Variants in LAMA3 observed in about 807,000 individuals in gnomAD.
The protein encoded by LAMA3 is laminin subunit alpha 3, also known as laminin subunit alpha-3.
LAMA3 carries 281 observed loss-of-function variants against 402.0 expected under a neutral mutation model. That is an observed-to-expected ratio of 0.70 (90% CI 0.63 to 0.77). The LOEUF (loss-of-function observed/expected upper bound fraction) is 0.77, where lower values mean the gene tolerates loss of function less well. Among genes scored for constraint, LAMA3 ranks in the 30% least tolerant of loss-of-function variants. The pLI is 0.00. For synonymous variants in LAMA3, 1,431 were observed against 1,558.4 expected (o/e 0.92, Z 1.93); for missense variants, 3,840 against 4,215.5 (o/e 0.91, Z 2.47).
chr18:23,816,192 T>C (rs1472274102), intron 17 of LAMA3, among the ~76,000 whole-genome samples, 196 bp from the exon 18 acceptor site: 1 of 152,254 alleles, frequency 6.6e-6, no homozygotes, highest in Non-Finnish European at 1.5e-5. Context: ...TGGTTGAATC[T>C]GATTTCCAAG....
chr18:23,824,300 C>A, intron 20 of LAMA3, 123 bp from the exon 21 acceptor site: 2 of 928,392 alleles, frequency 2.2e-6, no homozygotes, highest in South Asian at 1.4e-5. Flanking sequence ...ATCAGTAAAT[C>A]TGATCAGTAC....
At chr18:23,801,441 C>T (rs2062864816) in intron 12 of LAMA3, among the ~76,000 whole-genome samples, 1 of 152,058 alleles carries the variant, frequency 6.6e-6, no homozygotes, top group African/African-American at 2.4e-5. Context: ...CACATGTACC[C>T]TCTGAACCTA....
chr18:23,895,136 A>G, intron 44 of LAMA3, 78 bp downstream of exon 44: 1 of 1,489,340 alleles, frequency 6.7e-7, no homozygotes, highest in Non-Finnish European at 9.1e-7. Flanking sequence ...CAGGAAGGGA[A>G]AGGTTGACTC....
chr18:23,761,308 A>G (rs988429596), intron 7 of LAMA3, among the ~76,000 whole-genome samples: 35 of 152,216 alleles, frequency 2.3e-4, no homozygotes, highest in Non-Finnish European at 7.3e-5. Flanking sequence ...TTAAAGTCAA[A>G]CAAATATATT....
chr18:23,772,234 G>A (rs930675007), intron 8 of LAMA3, among the ~76,000 whole-genome samples: 2 of 152,226 alleles, frequency 1.3e-5, no homozygotes, highest in South Asian at 2.1e-4. Flanking sequence ...CAGAGACGGG[G>A]TTTCACCATA....
chr18:23,922,419 T>C (rs2145321803), intron 62 of LAMA3, among the ~76,000 whole-genome samples: 1 of 152,360 alleles, frequency 6.6e-6, no homozygotes, highest in Admixed American at 6.5e-5. Context: ...CAAGGTATTC[T>C]TTCTTCTAGA....
chr18:23,824,599 G>A (rs766024375), intron 21 of LAMA3, 34 bp downstream of exon 21: 3 of 1,611,486 alleles, frequency 1.9e-6, no homozygotes, highest in South Asian at 1.1e-5. Flanking sequence ...AGCTCCTGCG[G>A]GATTCTTCCT....
chr18:23,774,890 C>G (rs1043220952), intron 9 of LAMA3, among the ~76,000 whole-genome samples: 1 of 152,188 alleles, frequency 6.6e-6, no homozygotes, highest in Non-Finnish European at 1.5e-5. Context: ...CTTGTGCCTA[C>G]AAAGAATAGG....
chr18:23,729,259 G>A (rs920160976), intron 2 of LAMA3, among the ~76,000 whole-genome samples: 9 of 152,170 alleles, frequency 5.9e-5, no homozygotes, highest in Admixed American at 3.3e-4. Context: ...CTAGGAGAAT[G>A]TCTGGTATGT....
chr18:23,908,261 T>G (rs1229861923), intron 54 of LAMA3, among the ~76,000 whole-genome samples: 1 of 152,030 alleles, frequency 6.6e-6, no homozygotes, highest in Non-Finnish European at 1.5e-5. Flanking sequence ...CTGTGCGCTG[T>G]GGCTCATGCC....
At chr18:23,905,479 A>G in intron 51 of LAMA3, 43 bp from the exon 52 acceptor site, 3 of 1,076,330 alleles carry the variant, frequency 2.8e-6, no homozygotes, top group Non-Finnish European at 4.3e-6. Context: ...ATATTTCGTA[A>G]CATATAGCAT....
chr18:23,940,737 C>G (rs2082473020), intron 68 of LAMA3, among the ~76,000 whole-genome samples: 1 of 152,100 alleles, frequency 6.6e-6, no homozygotes, highest in South Asian at 2.1e-4. Flanking sequence ...GTGGACAGCT[C>G]CACGTCTCCA....
At chr18:23,702,070 A>G (rs909942080) in intron 1 of LAMA3, among the ~76,000 whole-genome samples, 1 of 152,198 alleles carries the variant, frequency 6.6e-6, no homozygotes, top group African/African-American at 2.4e-5. Flanking sequence ...GAGCTTCTCC[A>G]TACCAACGGT....
At chr18:23,908,141 C>T (rs528841051) in intron 54 of LAMA3, among the ~76,000 whole-genome samples, 87 of 152,202 alleles carry the variant, frequency 5.7e-4, no homozygotes, top group African/African-American at 1.8e-3. Flanking sequence ...TTAGAAAATA[C>T]ATTGAAAATG....
intron 7 of LAMA3, among the ~76,000 whole-genome samples, chr18:23,759,411 C>T (rs2061923982): frequency 6.6e-6 from 1 of 151,618 alleles, no homozygotes; most frequent in Admixed American, 6.6e-5. Flanking sequence ...AGATTTTCTT[C>T]TAAATAAATC....
chr18:23,843,743 C>T (rs1041485069), intron 29 of LAMA3, among the ~76,000 whole-genome samples: 7 of 152,168 alleles, frequency 4.6e-5, no homozygotes, highest in African/African-American at 1.2e-4. Context: ...CAGGCCCTCA[C>T]GACCCCCTAA....
At chr18:23,864,673 G>A (rs2064308336) in intron 35 of LAMA3, 112 bp from the exon 36 acceptor site, 4 of 736,270 alleles carry the variant, frequency 5.4e-6, no homozygotes, top group Admixed American at 3.9e-5. Context: ...TTGTTACCAG[G>A]TCGAGTGTGT....
intron 60 of LAMA3, 137 bp downstream of exon 60, chr18:23,916,832 C>A: frequency 2.3e-6 from 2 of 888,290 alleles, no homozygotes; most frequent in Non-Finnish European, 3.7e-6. Flanking sequence ...TTTTCCTCCA[C>A]CCAGTTGTAC....
rs111654184 is a variant in LAMA3, at chr18:23,714,258, G to A, written c.447+186G>A. Among the ~76,000 whole-genome samples, 280 of 152,304 alleles carry A rather than the reference G, an allele frequency of 1.8e-3. 1 individual carries two copies. The highest frequency in any genetic ancestry group is 6.4e-3 in the African/African-American group (267 of 41,578). Reference sequence around the variant, plus strand: ...GAATAGGCCAGGCACAGTGGCTCATGCCTGTAATCCCAGCACTTTGGGACG... The same window carrying A: ...GAATAGGCCAGGCACAGTGGCTCATACCTGTAATCCCAGCACTTTGGGACG... On this transcript the variant is annotated intron_variant, in intron 2 of 74. Coordinates refer to ENST00000313654, the MANE Select transcript of LAMA3 (RefSeq NM_198129.4).
Sources: gnomAD v4.1 joint callset for allele counts (sites outside exome capture counted in the v4.1 genomes callset) on GRCh38, gnomAD v4.1.1 for gene constraint, MANE v1.5 for transcripts, NCBI Gene and HGNC (gene_info 2026-07-23, HGNC 2026-07-21) for gene names.